The following PCLO variants were observed in gnomAD, a reference collection of about 807,000 sequenced individuals.
PCLO encodes the protein protein piccolo.
In PCLO, 82 loss-of-function variants were observed where a neutral mutation model predicts 427.5. The ratio of observed to expected loss-of-function variants is 0.19; its 90% CI spans 0.16 to 0.23. The LOEUF is 0.23. PCLO is among the 10% of genes least tolerant of loss of function. The probability of loss-of-function intolerance (pLI) is 1.00; values close to 1 mark genes in which losing one functional copy is unlikely to be tolerated. For missense variants in PCLO, 6,239 were observed against 6,115.9 expected (o/e 1.02, Z -0.67); for synonymous variants, 2,357 against 2,155.4 (o/e 1.09, Z -2.59).
chr7:83,132,028 T>C (rs1475683404), intron 3 of PCLO, among the ~76,000 whole-genome samples: 1 of 152,122 alleles, frequency 6.6e-6, no homozygotes, highest in Non-Finnish European at 1.5e-5. Flanking sequence ...TCTTTTCAAC[T>C]AACTCCTTTT....
At chr7:82,863,347 C>A (rs972305513) in intron 10 of PCLO, among the ~76,000 whole-genome samples, 4 of 151,786 alleles carry the variant, frequency 2.6e-5, no homozygotes, top group Non-Finnish European at 5.9e-5. Flanking sequence ...ATTTTATCAT[C>A]CTGAGAGAAT....
chr7:82,898,581 C>G (rs1793963322), intron 9 of PCLO, among the ~76,000 whole-genome samples: 1 of 151,202 alleles, frequency 6.6e-6, no homozygotes, highest in East Asian at 1.9e-4. Flanking sequence ...GGCCATTTTC[C>G]ACCATAAAAG....
intron 8 of PCLO, among the ~76,000 whole-genome samples, chr7:82,907,071 C>A (rs996172526): frequency 1.3e-5 from 2 of 151,788 alleles, no homozygotes; most frequent in African/African-American, 4.8e-5. Context: ...AAATTAGAAA[C>A]AAGAATGTCC....
intron 22 of PCLO, among the ~76,000 whole-genome samples, chr7:82,779,937 G>A (rs1790837180): frequency 6.6e-6 from 1 of 152,044 alleles, no homozygotes; most frequent in African/African-American, 2.4e-5. Flanking sequence ...CAGGGTTCTT[G>A]CAAAGATGAA....
intron 4 of PCLO, among the ~76,000 whole-genome samples, chr7:82,965,193 T>A (rs1309172088): frequency 1.3e-5 from 2 of 152,136 alleles, no homozygotes; most frequent in Non-Finnish European, 2.9e-5. Context: ...ATAAAACTGC[T>A]AACAGATACA....
intron 6 of PCLO, 62 bp from the exon 7 acceptor site, chr7:82,916,935 T>C (rs1794482252): frequency 3.7e-6 from 4 of 1,076,436 alleles, no homozygotes; most frequent in Non-Finnish European, 2.6e-6. Flanking sequence ...CCAAATCTAC[T>C]TCCATGAATT....
intron 6 of PCLO, among the ~76,000 whole-genome samples, chr7:82,935,951 T>C (rs1222757009): frequency 1.3e-5 from 2 of 151,680 alleles, no homozygotes; most frequent in Non-Finnish European, 3.0e-5. Flanking sequence ...TAATGTAAAG[T>C]AAGAAAGCAT....
Position 82,818,604 on chromosome 7 carries a change from T to G in PCLO, c.14791+3891A>C, listed in dbSNP as rs568252773. ...AAGTACATGACTGTTCTTATTAAAA[T>G]TAGGAGAGTTTGATTTTAAAGGAGA... On this transcript the variant is annotated intron_variant, in intron 20 of 24. Transcript: ENST00000333891. Among the ~76,000 whole-genome samples the G allele has an allele frequency of 6.6e-5, 10 of 152,278 alleles. No homozygotes were observed. In the South Asian group the frequency reaches 2.1e-3, roughly 32 times the overall value.
intron 3 of PCLO, among the ~76,000 whole-genome samples, chr7:83,019,381 A>C (rs781643221): frequency 6.6e-6 from 1 of 151,992 alleles, no homozygotes; most frequent in Non-Finnish European, 1.5e-5. Flanking sequence ...TATATTTAAT[A>C]ATCTAATATA....
chr7:82,899,463 G>T (rs1295390874), intron 9 of PCLO, among the ~76,000 whole-genome samples: 3 of 151,382 alleles, frequency 2.0e-5, no homozygotes, highest in African/African-American at 7.3e-5. Context: ...ATAAAATGCA[G>T]ATTGTTTTAA....
Position 82,950,997 on chromosome 7 carries a change from A to G in PCLO, c.9591T>C (p.Asp3197=), listed in dbSNP as rs200530952. ...CAGGGACAATTAAAAGAGCACTTTC[A>G]TCTCCCACCACTTCAGGAAACACTT... ...ASEVFPEVVG[D]ESALLIVPEE... Residue 3197 remains aspartate, a synonymous_variant, in exon 6 of 25, where the codon GAT becomes GAC. Transcript: ENST00000333891. 1 of 1,613,690 alleles carries G rather than the reference A, an allele frequency of 6.2e-7. No homozygotes were observed. The highest frequency in any genetic ancestry group is 1.3e-5 in the African/African-American group (1 of 74,922).
At chr7:83,006,410 T>C (rs550637247) in intron 3 of PCLO, among the ~76,000 whole-genome samples, 1 of 151,680 alleles carries the variant, frequency 6.6e-6, no homozygotes. Context: ...TTTTGAACAA[T>C]AATTTATTTT....
At chr7:83,003,209 A>G (rs1280599575) in intron 3 of PCLO, among the ~76,000 whole-genome samples, 1 of 151,430 alleles carries the variant, frequency 6.6e-6, no homozygotes, top group African/African-American at 2.4e-5. Context: ...TACGATAAGA[A>G]ATCTCAAATA....
At chr7:83,064,528 A>G (rs1326343984) in intron 3 of PCLO, among the ~76,000 whole-genome samples, 1 of 152,014 alleles carries the variant, frequency 6.6e-6, no homozygotes, top group African/African-American at 2.4e-5. Context: ...ATTAAAGAAA[A>G]TGGTGTTCAT....
At chr7:83,017,970 C>A (rs1788250372) in intron 3 of PCLO, 1 of 151,908 alleles carries the variant, frequency 6.6e-6, no homozygotes, top group Admixed American at 6.6e-5. Context: ...CTGGTTAGTA[C>A]TAGGATGAGA....
At chr7:82,765,213 A>G (rs928573017) in intron 22 of PCLO, among the ~76,000 whole-genome samples, 3 of 151,940 alleles carry the variant, frequency 2.0e-5, no homozygotes, top group East Asian at 1.9e-4. Context: ...AGAAATGATC[A>G]CATGAAAATA....
At chr7:83,154,626 A>G in intron 2 of PCLO, 122 bp downstream of exon 2, 1 of 766,332 alleles carries the variant, frequency 1.3e-6, no homozygotes, top group Non-Finnish European at 2.1e-6. Flanking sequence ...AAAACGAACG[A>G]AGGAGGGGAG....
At position 82,869,475 on chromosome 7, in the gene PCLO, T is replaced by C. The variant is rs547835647; in HGVS notation, c.13654+9862A>G. Among the ~76,000 whole-genome samples, 11 of 152,128 alleles carry C rather than the reference T, an allele frequency of 7.2e-5. No individual in the cohort carries two copies. The South Asian group carries it at 2.1e-3, about 29-fold the overall frequency. On this transcript the variant is annotated intron_variant, in intron 10 of 24. Coordinates refer to ENST00000333891, the MANE Select transcript of PCLO (RefSeq NM_033026.6). ...ATCTCAACAGAGATTGTCATGAAAA[T>C]TGAAAAACAGATTCCAGAATTTATA... is the stretch of plus-strand genomic sequence containing the variant.
chr7:82,796,914 T>A (rs1791234734), intron 22 of PCLO, among the ~76,000 whole-genome samples: 1 of 151,252 alleles, frequency 6.6e-6, no homozygotes. Flanking sequence ...ATAGATACAC[T>A]CATATATAGC....
Sources: gnomAD v4.1 joint callset for allele counts (sites outside exome capture counted in the v4.1 genomes callset) on GRCh38, gnomAD v4.1.1 for gene constraint, MANE v1.5 for transcripts, NCBI Gene and HGNC (gene_info 2026-07-23, HGNC 2026-07-21) for gene names.